MBTD1: variants seen among roughly 807,000 people sequenced by gnomAD.
MBTD1 encodes MBT domain-containing protein 1.
MBTD1 carries 24 observed loss-of-function variants against 87.8 expected under a neutral mutation model. The ratio of observed to expected loss-of-function variants is 0.27; its 90% CI spans 0.20 to 0.38. The LOEUF (loss-of-function observed/expected upper bound fraction) is 0.38, where lower values mean the gene tolerates loss of function less well. MBTD1 is among the 10% of genes least tolerant of loss of function. The pLI is 1.00. For synonymous variants in MBTD1, 237 were observed against 248.6 expected (o/e 0.95, Z 0.44); for missense variants, 436 against 760.2 (o/e 0.57, Z 5.02).
rs925565293 is a variant in MBTD1, at chr17:51,242,154, T to C, written c.-48-16945A>G. On this transcript the variant is annotated intron_variant, in intron 2 of 16. Coordinates refer to ENST00000586178, the MANE Select transcript of MBTD1 (RefSeq NM_017643.3). ...AAGATCTAGGTATTCAATGTACTTATTGCTATTTGGGTATCTCTTTGCTTC... is the reference window on the plus strand; with the variant it reads ...AAGATCTAGGTATTCAATGTACTTACTGCTATTTGGGTATCTCTTTGCTTC... Among the ~76,000 whole-genome samples the C allele has an allele frequency of 4.5e-4, 69 of 152,252 alleles. 2 individuals carry two copies. Among genetic ancestry groups the C allele is most frequent in the Non-Finnish European group, 1.3e-4 (9 of 68,048 alleles).
Position 51,203,799 on chromosome 17 carries a change from G to A in MBTD1, c.731C>T (p.Pro244Leu). ...WCAASGKPLV[P>L]PRTIQHKYTN... ...GTAAATAAACTACTTACTTCTAGGA[G>A]GAACAAGAGGTTTTCCGCTGGCTGC... The change falls in exon 8 of 17, where the codon CCT (proline) becomes CTT (leucine). Residue 244 changes from proline to leucine, a missense_variant. Physicochemically the swap from Pro to Leu is moderately conservative, Grantham distance 98 (BLOSUM62 -3). Around this residue, in one of 5 missense-constraint regions of MBTD1, gnomAD observed 268 missense variants for 401.8 expected, o/e 0.67. Coordinates refer to ENST00000586178, the MANE Select transcript of MBTD1 (RefSeq NM_017643.3). 6.2e-7 allele frequency: 1 copy of A among 1,610,094 alleles called. No individual in the cohort carries two copies. Among genetic ancestry groups the A allele is most frequent in the Non-Finnish European group, 8.5e-7 (1 of 1,179,130 alleles).
At chr17:51,235,401 G>C (rs577554530) in intron 2 of MBTD1, among the ~76,000 whole-genome samples, 1 of 152,278 alleles carries the variant, frequency 6.6e-6, no homozygotes, top group Non-Finnish European at 1.5e-5. Context: ...GCCTCCCAAA[G>C]TGCTGGAATT....
chr17:51,195,490 A>G (rs2051046283), intron 12 of MBTD1, 129 bp from the exon 13 acceptor site: 1 of 630,410 alleles, frequency 1.6e-6, no homozygotes, highest in Non-Finnish European at 2.6e-6. Context: ...ATGCTTCTCT[A>G]TTGAGTTATG....
chr17:51,240,037 T>G (rs2054075509), intron 2 of MBTD1, among the ~76,000 whole-genome samples: 1 of 152,208 alleles, frequency 6.6e-6, no homozygotes, highest in African/African-American at 2.4e-5. Context: ...GAGGGAGACC[T>G]TATCTTTTTT....
At chr17:51,225,445 G>A (rs896000226) in intron 2 of MBTD1, among the ~76,000 whole-genome samples, 26 of 150,890 alleles carry the variant, frequency 1.7e-4, no homozygotes, top group African/African-American at 5.9e-4. Flanking sequence ...TCCACCTCCC[G>A]CACTCAGATG....
Position 51,192,966 on chromosome 17 carries a change from A to G in MBTD1, c.1506T>C (p.Asp502=). ...CACATATTAAACGTGGCTCCATGAG[A>G]TCTACTGCTTCTAATTTCATTCCTA... The part of the protein sequence containing the change: ...FRVGMKLEAV[D]LMEPRLICVA... The change falls in exon 15 of 17, where the codon GAT becomes GAC. Residue 502 remains aspartate, a synonymous_variant. Transcript: ENST00000586178. 1.2e-6 allele frequency: 2 copies of G among 1,614,134 alleles called. No homozygotes were observed. The highest frequency in any genetic ancestry group is 1.7e-6 in the Non-Finnish European group (2 of 1,180,002).
intron 2 of MBTD1, among the ~76,000 whole-genome samples, chr17:51,254,094 AG>A (rs1344734917): frequency 6.6e-6 from 1 of 152,240 alleles, no homozygotes; most frequent in African/African-American, 2.4e-5. Flanking sequence ...TTTTATATTT[AG>A]CTATGGAGCA....
At chr17:51,230,700 C>T (rs1324752735) in intron 2 of MBTD1, among the ~76,000 whole-genome samples, 1 of 151,288 alleles carries the variant, frequency 6.6e-6, no homozygotes, top group Non-Finnish European at 1.5e-5. Flanking sequence ...CACTCGGAGG[C>T]CAGTGTGGCT....
intron 14 of MBTD1, 41 bp from the exon 15 acceptor site, chr17:51,193,057 A>G (rs1568153837): frequency 7.2e-7 from 1 of 1,394,906 alleles, no homozygotes; most frequent in Non-Finnish European, 1.0e-6. Context: ...TATGAAGAAG[A>G]AAGAATGCAC....
At chr17:51,252,790 A>T (rs894183219) in intron 2 of MBTD1, among the ~76,000 whole-genome samples, 6 of 152,222 alleles carry the variant, frequency 3.9e-5, no homozygotes, top group African/African-American at 1.2e-4. Context: ...ATATTAGATG[A>T]CTAAGGTCTT....
intron 7 of MBTD1, among the ~76,000 whole-genome samples, chr17:51,204,466 CATATT>C (rs200454304): frequency 0.014 from 1,986 of 142,004 alleles, 46 homozygotes; most frequent in African/African-American, 0.048. Context: ...TATAAAAATA[CATATT>C]ATATATTTAT....
intron 2 of MBTD1, among the ~76,000 whole-genome samples, chr17:51,248,199 G>A (rs947159390): frequency 2.0e-5 from 3 of 152,140 alleles, no homozygotes; most frequent in Admixed American, 6.5e-5. Context: ...TCAACTAGAC[G>A]TATAGTTCTT....
chr17:51,220,282 A>G (rs1345188080), intron 4 of MBTD1, 48 bp downstream of exon 4: 3 of 1,496,674 alleles, frequency 2.0e-6, no homozygotes, highest in Non-Finnish European at 2.7e-6. Flanking sequence ...TAAATGGCAA[A>G]AGCCATAGAA....
chr17:51,234,196 CAACCTGGCCAATGTAGCA>C (rs1349808417), intron 2 of MBTD1, among the ~76,000 whole-genome samples: 1 of 151,812 alleles, frequency 6.6e-6, no homozygotes, highest in Non-Finnish European at 1.5e-5. Context: ...AGTTCGAGAC[CAACCTGGCCAATGTAGCA>C]AAACCCCATC....
intron 2 of MBTD1, among the ~76,000 whole-genome samples, chr17:51,237,451 G>T (rs1239016855): frequency 6.6e-6 from 1 of 152,112 alleles, no homozygotes; most frequent in Non-Finnish European, 1.5e-5. Context: ...TAAGGGGTTT[G>T]TATCTAGAAA....
intron 2 of MBTD1, among the ~76,000 whole-genome samples, chr17:51,230,056 G>A (rs2053465419): frequency 6.6e-6 from 1 of 152,188 alleles, no homozygotes; most frequent in Non-Finnish European, 1.5e-5. Flanking sequence ...CCCTGCATCA[G>A]TCTTCCCTAG....
intron 6 of MBTD1, 35 bp from the exon 7 acceptor site, chr17:51,207,040 T>C: frequency 8.4e-7 from 1 of 1,191,958 alleles, no homozygotes; most frequent in South Asian, 1.2e-5. Context: ...ATTGTCTTAT[T>C]AACATAAAGC....
intron 6 of MBTD1, among the ~76,000 whole-genome samples, chr17:51,213,444 T>C (rs2052375400): frequency 6.6e-6 from 1 of 152,092 alleles, no homozygotes; most frequent in Non-Finnish European, 1.5e-5. Flanking sequence ...GATCTATACA[T>C]TGCACCTAAC....
At chr17:51,232,832 G>A (rs895025037) in intron 2 of MBTD1, among the ~76,000 whole-genome samples, 1 of 151,868 alleles carries the variant, frequency 6.6e-6, no homozygotes, top group Non-Finnish European at 1.5e-5. Context: ...GAGGCCAGGA[G>A]TTCGAGACCA....
Sources: allele counts gnomAD v4.1 joint callset (sites outside exome capture counted in the v4.1 genomes callset), GRCh38; gene constraint gnomAD v4.1.1; regional missense constraint gnomAD v4.1.1; transcripts MANE v1.5; gene names NCBI Gene and HGNC (gene_info 2026-07-23, HGNC 2026-07-21).